The following HIBCH variants were observed in gnomAD, a reference collection of about 807,000 sequenced individuals.
The protein encoded by HIBCH is 3-hydroxyisobutyryl-CoA hydrolase, mitochondrial.
A neutral mutation model predicts 58.2 loss-of-function variants in HIBCH; 50 were observed. The ratio of observed to expected loss-of-function variants is 0.86; its 90% CI spans 0.68 to 1.09. The LOEUF is 1.09. Ranked by LOEUF, HIBCH falls within the 50% of genes least tolerant of loss-of-function variation. The pLI, the probability that HIBCH is intolerant of heterozygous loss-of-function variation, is 0.00. For missense variants in HIBCH, 450 were observed against 449.7 expected, an observed-to-expected ratio of 1.00 and a Z score of -0.01; for synonymous variants, 151 against 146.9, an observed-to-expected ratio of 1.03 and a Z score of -0.20.
Position 190,261,169 on chromosome 2 carries a change from T to C in HIBCH, c.504A>G (p.Pro168=), listed in dbSNP as rs1411588152. 13 of 1,612,852 alleles carry C rather than the reference T, an allele frequency of 8.1e-6. No individual in the cohort carries two copies. Among genetic ancestry groups the C allele is most frequent in the Admixed American group, 1.7e-5 (1 of 59,964 alleles). The part of the protein sequence containing the change: ...VATEKCLFAM[P]ETAIGLFPDV... ...CTGGTTGTTTACCTATTGCAGTTTC[T>C]GGCATAGCAAAAAGACACTTTTCTG... is the stretch of plus-strand genomic sequence containing the variant. Residue 168 remains proline (P), a synonymous_variant, in exon 7 of 14, where the codon CCA becomes CCG. Coordinates refer to ENST00000359678, the MANE Select transcript of HIBCH (RefSeq NM_014362.4).
intron 6 of HIBCH, among the ~76,000 whole-genome samples, chr2:190,272,150 T>C (rs1272013742): frequency 1.3e-5 from 2 of 152,156 alleles, no homozygotes; most frequent in Non-Finnish European, 2.9e-5. Flanking sequence ...CAGTTAAGGC[T>C]GGTATTGTTT....
intron 3 of HIBCH, among the ~76,000 whole-genome samples, chr2:190,295,852 C>T (rs938091996): frequency 5.3e-5 from 8 of 152,104 alleles, no homozygotes; most frequent in Non-Finnish European, 7.4e-5. Flanking sequence ...AATTGGTAGC[C>T]AGGGGAAAAC....
Position 190,216,271 on chromosome 2 carries a change from A to T in HIBCH, c.892-3196T>A, listed in dbSNP as rs1233502770. ...ACCGGGCGATGCAAATGAGAAAGGG[A>T]TGTGGAGGACAGTTTAGGATCAGGA... On this transcript the variant is annotated intron_variant, in intron 11 of 13. Coordinates refer to ENST00000359678, the MANE Select transcript of HIBCH (RefSeq NM_014362.4). The surrounding 1 kb of genome is among the most constrained non-coding windows in gnomAD (Gnocchi z 4.2). 6.6e-6 allele frequency among the ~76,000 whole-genome samples: 1 copy of T among 152,018 alleles called. No homozygotes were observed. Among genetic ancestry groups the T allele is most frequent in the Non-Finnish European group, 1.5e-5 (1 of 67,998 alleles).
chr2:190,191,679 C>A (rs955233936), intron 1 of HIBCH, among the ~76,000 whole-genome samples: 1 of 152,200 alleles, frequency 6.6e-6, no homozygotes, highest in Non-Finnish European at 1.5e-5. Flanking sequence ...ATAGTGGTTT[C>A]TTATCATGGC....
intron 6 of HIBCH, among the ~76,000 whole-genome samples, chr2:190,275,756 A>C (rs1362873040): frequency 6.6e-6 from 1 of 152,230 alleles, no homozygotes; most frequent in Non-Finnish European, 1.5e-5. Flanking sequence ...CATCCACATC[A>C]ATTTGTGAGG....
intron 3 of HIBCH, among the ~76,000 whole-genome samples, chr2:190,295,580 G>A (rs181657259): frequency 1.9e-4 from 29 of 152,308 alleles, no homozygotes; most frequent in African/African-American, 6.3e-4. Flanking sequence ...ACCTGTACTA[G>A]AGAATAAATA....
At chr2:190,316,995 T>C (rs973285871) in intron 1 of HIBCH, among the ~76,000 whole-genome samples, 9 of 152,342 alleles carry the variant, frequency 5.9e-5, no homozygotes, top group Admixed American at 2.0e-4. Flanking sequence ...TAGTTCACTG[T>C]AAACTTGAAC....
At chr2:190,212,485 T>C (rs1157694794) in intron 12 of HIBCH, among the ~76,000 whole-genome samples, 1 of 152,248 alleles carries the variant, frequency 6.6e-6, no homozygotes, top group Non-Finnish European at 1.5e-5. Context: ...TATGTGATTA[T>C]TGTCCACTTT....
At chr2:190,275,445 T>C (rs1421608023) in intron 6 of HIBCH, among the ~76,000 whole-genome samples, 2 of 152,206 alleles carry the variant, frequency 1.3e-5, no homozygotes, top group Non-Finnish European at 2.9e-5. Context: ...AATTTTTTTG[T>C]ATGAAAATCA....
Position 190,306,183 on chromosome 2 carries a change from A to G in HIBCH, c.78+4571T>C, listed in dbSNP as rs1365694306. On this transcript the variant is annotated intron_variant, in intron 2 of 13. Coordinates refer to ENST00000359678, the MANE Select transcript of HIBCH (RefSeq NM_014362.4). The surrounding 1 kb of genome is among the most constrained non-coding windows in gnomAD (Gnocchi z 4.6). ...AGAACTTAGTCAATTACTATAATGCAAAACTCTTGTAACCACTACCTAGGT... is the reference window on the plus strand; with the variant it reads ...AGAACTTAGTCAATTACTATAATGCGAAACTCTTGTAACCACTACCTAGGT... Among the ~76,000 whole-genome samples, 2 of 152,300 alleles carry G rather than the reference A, an allele frequency of 1.3e-5. No homozygotes were observed. The highest frequency in any genetic ancestry group is 3.9e-4 in the East Asian group (2 of 5,184).
At chr2:190,299,915 G>A (rs1443614650) in intron 2 of HIBCH, among the ~76,000 whole-genome samples, 2 of 150,936 alleles carry the variant, frequency 1.3e-5, no homozygotes, top group Admixed American at 6.6e-5. Context: ...GAGAACGTGC[G>A]GTATCTGGTT....
Position 190,207,562 on chromosome 2 carries a change from T to C in HIBCH, c.1045+1318A>G, listed in dbSNP as rs72625301. ...TCAAAGCTTAAGAGCTGAGAGAACA[T>C]AACATAACCTTTTATTCAGATAAAA... is the stretch of plus-strand genomic sequence containing the variant. On this transcript the variant is annotated intron_variant, in intron 13 of 13. Coordinates refer to ENST00000359678, the MANE Select transcript of HIBCH (RefSeq NM_014362.4). This position sits in a 1 kb window ranked among gnomAD's most constrained non-coding sequence, Gnocchi z 4.5. 0.27 allele frequency among the ~76,000 whole-genome samples: 41,377 copies of C among 152,084 alleles called. 6,086 individuals are homozygous for C. Among genetic ancestry groups the C allele is most frequent in the East Asian group, 0.46 (2,353 of 5,160 alleles).
intron 11 of HIBCH, among the ~76,000 whole-genome samples, chr2:190,224,114 A>G (rs941734844): frequency 2.0e-5 from 3 of 152,196 alleles, no homozygotes; most frequent in Middle Eastern, 3.2e-3. Flanking sequence ...TATATCCTGC[A>G]CCTGGCTCAG....
intron 6 of HIBCH, chr2:190,280,839 G>A (rs1329996794): frequency 6.6e-6 from 1 of 152,116 alleles, no homozygotes; most frequent in Non-Finnish European, 1.5e-5. Flanking sequence ...CTCTCAAGTT[G>A]CTTGCTTGGC....
At chr2:190,305,655 T>A (rs1688384378) in intron 2 of HIBCH, among the ~76,000 whole-genome samples, 1 of 152,144 alleles carries the variant, frequency 6.6e-6, no homozygotes, top group South Asian at 2.1e-4. Context: ...ATAATAGCAA[T>A]GTAGGATCAC....
chr2:190,233,187 G>T (rs558502288), intron 11 of HIBCH, among the ~76,000 whole-genome samples: 1 of 151,888 alleles, frequency 6.6e-6, no homozygotes, highest in Non-Finnish European at 1.5e-5. Flanking sequence ...TCTTAAACAG[G>T]ATATAAAAGA....
Position 190,205,113 on chromosome 2 carries a change from C to G in HIBCH, c.*4G>C, listed in dbSNP as rs1161986344. ...TACAAAATATACCTTAAAAGCCTGT[C>G]ACCTCAAAATTTCAAATCACTGCTT... On this transcript the variant is annotated 3_prime_UTR_variant, in exon 14 of 14. Coordinates refer to ENST00000359678, the MANE Select transcript of HIBCH (RefSeq NM_014362.4). 1 of 1,522,236 alleles carries G rather than the reference C, an allele frequency of 6.6e-7. No homozygotes were observed. The highest frequency in any genetic ancestry group is 1.7e-5 in the Admixed American group (1 of 59,822). The allele number at this position is 1,522,236 out of a possible 1,614,324, so 94.3% of individuals were successfully genotyped here.
rs531415737 is a variant in HIBCH at position 190,304,183 on chromosome 2, G to A, written c.78+6571C>T. Among the ~76,000 whole-genome samples the A allele has an allele frequency of 6.6e-6, 1 of 150,972 alleles. No homozygotes were observed. Among genetic ancestry groups the A allele is most frequent in the Admixed American group, 6.6e-5 (1 of 15,148 alleles). ...ATCCAAATAAAGTCTGGAGTTAACAGTAATATACAAATTGCCTTAGTTAAG... is the reference window on the plus strand; with the variant it reads ...ATCCAAATAAAGTCTGGAGTTAACAATAATATACAAATTGCCTTAGTTAAG... On this transcript the variant is annotated intron_variant, in intron 2 of 13. Transcript: ENST00000359678. This position sits in a 1 kb window ranked among gnomAD's most constrained non-coding sequence, Gnocchi z 4.1.
intron 1 of HIBCH, among the ~76,000 whole-genome samples, chr2:190,198,028 CCATCTTCAGTTCA>C (rs1690060157): frequency 6.6e-6 from 1 of 152,118 alleles, no homozygotes; most frequent in Non-Finnish European, 1.5e-5. Flanking sequence ...AAGACAGTCC[CCATCTTCAGTTCA>C]GGCTAGTAAA....
Sources: gnomAD v4.1 joint callset for allele counts (sites outside exome capture counted in the v4.1 genomes callset) on GRCh38, gnomAD v4.1.1 for gene constraint, Gnocchi (gnomAD v3.1) non-coding constraint, MANE v1.5 for transcripts, NCBI Gene and HGNC (gene_info 2026-07-23, HGNC 2026-07-21) for gene names.